NGRN: variants seen among roughly 807,000 people sequenced by gnomAD.
NGRN encodes the protein neugrin, neurite outgrowth associated.
A neutral mutation model predicts 13.1 loss-of-function variants in NGRN; 12 were observed. The observed-to-expected ratio is 0.92, with a 90% confidence interval of 0.59 to 1.49. The LOEUF (loss-of-function observed/expected upper bound fraction) is 1.49. Among genes scored for constraint, NGRN ranks in the 40% most tolerant of loss-of-function variants. NGRN has a pLI of 0.00. For missense variants in NGRN, 397 were observed against 357.0 expected, an observed-to-expected ratio of 1.11 and a Z score of -0.90; for synonymous variants, 149 against 145.8, an observed-to-expected ratio of 1.02 and a Z score of -0.16.
chr15:90,266,980 A>G (rs746767800), intron 2 of NGRN, among the ~76,000 whole-genome samples: 4 of 151,670 alleles, frequency 2.6e-5, no homozygotes, highest in Admixed American at 6.6e-5. Context: ...ACAGTATAAC[A>G]TGGTATACAC....
chr15:90,271,090 C>G (rs1453908764), intron 2 of NGRN, 98 bp from the exon 3 acceptor site: 2 of 1,396,946 alleles, frequency 1.4e-6, no homozygotes, highest in Non-Finnish European at 2.0e-6. Context: ...GCCACCATGC[C>G]AGGCCTCAAC....
chr15:90,268,540 G>A (rs530816951), intron 2 of NGRN, among the ~76,000 whole-genome samples: 1 of 152,016 alleles, frequency 6.6e-6, no homozygotes, highest in South Asian at 2.1e-4. Flanking sequence ...TATGCTTTAG[G>A]TCATATTTCT....
rs764372758 is a variant in NGRN, at chr15:90,266,331, C to T, written c.208C>T (p.Arg70Trp). ...QKQAIRFQKI[R>W]RQMEAPGAPP... The stretch of plus-strand genomic sequence containing the variant: ...ACAAGCAATCCGATTCCAGAAAATT[C>T]GGAGGCAAATGGAGGCGCCTGGTGC... Residue 70 changes from arginine to tryptophan, a missense_variant, in exon 2 of 3, where the codon CGG (arginine) becomes TGG (tryptophan). Coordinates refer to ENST00000379095, the MANE Select transcript of NGRN (RefSeq NM_001033088.3). 4.3e-6 allele frequency: 7 copies of T among 1,613,796 alleles called. No individual in the cohort carries two copies. The African/African-American group carries it at 8.0e-5, about 18-fold the overall frequency.
At position 90,271,361 on chromosome 15, in the gene NGRN, T is replaced by C. The variant is rs778112125; in HGVS notation, c.449T>C (p.Leu150Pro). ...VLKKAGLAHSLQHLRGSGNTS... is the reference protein window; with the variant it reads ...VLKKAGLAHSPQHLRGSGNTS... ...AAGAAAGCTGGGCTTGCCCACTCGC[T>C]GCAGCACCTCCGGGGCTCTGGAAAT... is the stretch of plus-strand genomic sequence containing the variant. The change falls in exon 3 of 3, where the codon CTG becomes CCG. Residue 150 changes from leucine to proline, a missense_variant. Coordinates refer to ENST00000379095, the MANE Select transcript of NGRN (RefSeq NM_001033088.3). The C allele has an allele frequency of 1.9e-6, 3 of 1,613,954 alleles. No homozygotes were observed. In the African/African-American group the frequency reaches 4.0e-5, roughly 22 times the overall value.
chr15:90,268,000 CGTTT>C (rs1000284543), intron 2 of NGRN, among the ~76,000 whole-genome samples: 3 of 151,834 alleles, frequency 2.0e-5, no homozygotes, highest in East Asian at 1.9e-4. Flanking sequence ...CTCTTTTTTT[CGTTT>C]GTTTGTTTGT....
chr15:90,269,628 C>T (rs1277939449), intron 2 of NGRN, among the ~76,000 whole-genome samples: 1 of 152,190 alleles, frequency 6.6e-6, no homozygotes, highest in Non-Finnish European at 1.5e-5. Context: ...CACTCAGTCA[C>T]CCCTGCTATT....
Position 90,266,592 on chromosome 15 carries a change from T to G in NGRN, c.275+194T>G, listed in dbSNP as rs555478118. ...TGTCATTATCTAGATTTAATAGTGT[T>G]TTGTTTTGTTTTTTAAAGAGACGGG... On this transcript the variant is annotated intron_variant, in intron 2 of 2. Transcript: ENST00000379095. 5.3e-5 allele frequency among the ~76,000 whole-genome samples: 8 copies of G among 152,284 alleles called. No homozygotes were observed. The South Asian group carries it at 6.2e-4, about 12-fold the overall frequency.
intron 2 of NGRN, among the ~76,000 whole-genome samples, chr15:90,270,143 G>T (rs1312180986): frequency 6.6e-6 from 1 of 152,030 alleles, no homozygotes; most frequent in Non-Finnish European, 1.5e-5. Flanking sequence ...CAATCCTCCT[G>T]CCTCAGCCTC....
In NGRN at chr15:90,266,540, G is replaced by C. The variant is rs1390007639; in HGVS notation, c.275+142G>C. ...GTTGAAATTTATTATCAGAAAAGTA[G>C]AGTAATATAACGAACTTCCCTAACC... On this transcript the variant is annotated intron_variant, in intron 2 of 2. Coordinates refer to ENST00000379095, the MANE Select transcript of NGRN (RefSeq NM_001033088.3). 2.4e-5 allele frequency: 16 copies of C among 655,734 alleles called. No individual in the cohort carries two copies. In the East Asian group the frequency reaches 2.5e-4, roughly 10 times the overall value. 40.6% of individuals were successfully genotyped at this position (655,734 alleles called of 1,614,324 possible).
Position 90,271,816 on chromosome 15 carries a change from C to G in NGRN, c.*28C>G, listed in dbSNP as rs777935326. 2.3e-5 allele frequency: 37 copies of G among 1,607,286 alleles called. No individual in the cohort carries two copies. Among genetic ancestry groups the G allele is most frequent in the Non-Finnish European group, 2.1e-5 (25 of 1,175,654 alleles). ...CGGGGCTTGGCTTATGGAGATGCCTCGTGAAACACAGCTGGGCAAGTATTA... is the reference window on the plus strand; with the variant it reads ...CGGGGCTTGGCTTATGGAGATGCCTGGTGAAACACAGCTGGGCAAGTATTA... On this transcript the variant is annotated 3_prime_UTR_variant, in exon 3 of 3. Coordinates refer to ENST00000379095, the MANE Select transcript of NGRN (RefSeq NM_001033088.3).
At chr15:90,268,252 C>T (rs1466938406) in intron 2 of NGRN, among the ~76,000 whole-genome samples, 2 of 152,106 alleles carry the variant, frequency 1.3e-5, no homozygotes, top group Non-Finnish European at 2.9e-5. Context: ...ATCCACCCAC[C>T]TCGGCCTCCC....
chr15:90,269,189 G>GTTTTTTTTATTTTTT (rs1567083100), intron 2 of NGRN, among the ~76,000 whole-genome samples: 1 of 122,754 alleles, frequency 8.1e-6, no homozygotes, highest in Admixed American at 9.1e-5. Flanking sequence ...TTTTTTTTTG[G>GTTTTTTTTATTTTTT]ATTTTTAGTA....
intron 2 of NGRN, among the ~76,000 whole-genome samples, chr15:90,268,851 A>C (rs990701494): frequency 3.3e-4 from 50 of 150,438 alleles, no homozygotes; most frequent in Non-Finnish European, 6.6e-4. Context: ...CCTGGTCTCC[A>C]GTTTCTGAGC....
Position 90,265,818 on chromosome 15 carries a change from G to T in NGRN, c.106G>T (p.Glu36Ter). The T allele has an allele frequency of 6.2e-7, 1 of 1,610,676 alleles. No homozygotes were observed. Among genetic ancestry groups the T allele is most frequent in the Non-Finnish European group, 8.5e-7 (1 of 1,178,576 alleles). The change falls in exon 1 of 3, where the codon GAG (glutamate) becomes TAG (stop). Residue 36 changes from glutamate to a stop codon, truncating the protein, a stop_gained. Transcript: ENST00000379095. LOFTEE classifies it high-confidence loss of function. ...GVAGPGPIGR[E>*]PDPDSDWEPE... ...GGCGGGCCCAGGCCCTATTGGCCGG[G>T]AGCCGGACCCCGATTCCGACTGGGA...
chr15:90,271,785 T>G lies in NGRN; in HGVS notation c.873T>G (p.Ile291Met), dbSNP rs763557912. 16 of 1,613,346 alleles carry G rather than the reference T, an allele frequency of 9.9e-6. No homozygotes were observed. The African/African-American group carries it at 1.7e-4, about 18-fold the overall frequency. ...FDSNGNFLYR[I>M] ...GCAACGGGAACTTCCTGTACAGAAT[T>G]TGAGTCGGGGCTTGGCTTATGGAGA... Residue 291 changes from isoleucine (I) to methionine (M), a missense_variant, in exon 3 of 3, where the codon ATT (isoleucine) becomes ATG (methionine). Ile to Met is a conservative substitution (Grantham distance 10). Transcript: ENST00000379095.
In NGRN at chr15:90,268,042, C is replaced by T. The variant is rs534404561; in HGVS notation, c.275+1644C>T. 8.5e-5 allele frequency among the ~76,000 whole-genome samples: 13 copies of T among 152,254 alleles called. 1 individual carries two copies. In the South Asian group the frequency reaches 1.0e-3, roughly 12 times the overall value. ...TTTGTTTGAGGCAGTCTCACTCTGT[C>T]GCCCAGGCCAGAGTGCAGTGGCGAA... On this transcript the variant is annotated intron_variant, in intron 2 of 2. Coordinates refer to ENST00000379095, the MANE Select transcript of NGRN (RefSeq NM_001033088.3).
In NGRN at chr15:90,271,327, A is replaced by G. The variant is rs143871202; in HGVS notation, c.415A>G (p.Lys139Glu). 1.2e-3 allele frequency: 1,938 copies of G among 1,614,108 alleles called. 37 individuals carry two copies. In the Admixed American group the frequency reaches 0.03, roughly 25 times the overall value. ...TLEQKLKQDQ[K>E]VLKKAGLAHS... ...GGAGCAGAAGCTGAAGCAGGATCAAAAAGTCCTTAAGAAAGCTGGGCTTGC... is the reference window on the plus strand; with the variant it reads ...GGAGCAGAAGCTGAAGCAGGATCAAGAAGTCCTTAAGAAAGCTGGGCTTGC... The change falls in exon 3 of 3, where the codon AAA becomes GAA. Residue 139 changes from lysine (K) to glutamate (E), a missense_variant. By Grantham distance (56) the Lys-to-Glu change is moderately conservative. Transcript: ENST00000379095.
Position 90,266,401 on chromosome 15 carries a change from G to A in NGRN, c.275+3G>A, listed in dbSNP as rs9635390. On this transcript the variant is annotated splice_donor_region_variant and intron_variant, in intron 2 of 2. Coordinates refer to ENST00000379095, the MANE Select transcript of NGRN (RefSeq NM_001033088.3). ...TGGGAAGCCATGGAGCAGATACGGT[G>A]AGACTCAGGATACCTTGTTTGTATC... 1,527,181 of 1,611,080 alleles carry A rather than the reference G, an allele frequency of 0.95. 725,269 individuals carry two copies. The highest frequency in any genetic ancestry group is 0.99 in the African/African-American group (74,405 of 75,004).
chr15:90,270,070 C>CT (rs1963482720), intron 2 of NGRN, among the ~76,000 whole-genome samples: 3 of 151,978 alleles, frequency 2.0e-5, no homozygotes, highest in South Asian at 2.1e-4. Flanking sequence ...TCCTTTTTTT[C>CT]TTTTTTTAAT....
Sources: gnomAD v4.1 joint callset for allele counts (sites outside exome capture counted in the v4.1 genomes callset) on GRCh38, gnomAD v4.1.1 for gene constraint, MANE v1.5 for transcripts, NCBI Gene and HGNC (gene_info 2026-07-23, HGNC 2026-07-21) for gene names.